Variants in MED13 observed in about 807,000 individuals in gnomAD.
MED13 encodes mediator of RNA polymerase II transcription subunit 13.
Under a neutral mutation model 225.2 loss-of-function variants are expected in MED13, and 23 were observed. The ratio of observed to expected loss-of-function variants is 0.10; its 90% CI spans 0.07 to 0.14. The LOEUF (loss-of-function observed/expected upper bound fraction) is 0.14, where lower values mean the gene tolerates loss of function less well. MED13 is among the 10% of genes least tolerant of loss of function. The pLI, the probability that MED13 is intolerant of heterozygous loss-of-function variation, is 1.00. For synonymous variants in MED13, 942 were observed against 889.2 expected (o/e 1.06, Z -1.06); for missense variants, 2,197 against 2,594.5 (o/e 0.85, Z 3.33).
chr17:62,060,997 C>A (rs2081034944), intron 2 of MED13, among the ~76,000 whole-genome samples: 1 of 152,032 alleles, frequency 6.6e-6, no homozygotes, highest in South Asian at 2.1e-4. Flanking sequence ...GCCATGGCAC[C>A]CAGCTGATCA....
chr17:62,004,052 T>A (rs1377629535), intron 9 of MED13: 1 of 152,182 alleles, frequency 6.6e-6, no homozygotes, highest in Non-Finnish European at 1.5e-5. Flanking sequence ...AAAAACTCAC[T>A]ATTGAAGGTT....
At chr17:62,003,547 G>A (rs947490956) in intron 9 of MED13, among the ~76,000 whole-genome samples, 2 of 131,140 alleles carry the variant, frequency 1.5e-5, no homozygotes. Flanking sequence ...AGAGGTTGCA[G>A]TGAGCCAAGA....
chr17:62,050,360 G>GAA (rs555050127), intron 3 of MED13, among the ~76,000 whole-genome samples: 9 of 102,170 alleles, frequency 8.8e-5, no homozygotes, highest in African/African-American at 2.5e-4. Context: ...CTCCGTATCA[G>GAA]AAAAAAAAAA....
intron 10 of MED13, among the ~76,000 whole-genome samples, chr17:61,993,200 C>CTTTTTTTTTTT (rs964200883): frequency 9.3e-6 from 1 of 107,690 alleles, no homozygotes; most frequent in Non-Finnish European, 1.7e-5. Context: ...TTCTTTCTTT[C>CTTTTTTTTTTT]TTTTTTTTTT....
At position 62,031,596 on chromosome 17, in the gene MED13, G is replaced by A; in HGVS notation, c.857C>T (p.Pro286Leu). The change falls in exon 6 of 30, where the codon CCT becomes CTT. Residue 286 changes from proline (P) to leucine (L), a missense_variant. Pro to Leu is a moderately conservative substitution (Grantham distance 98, BLOSUM62 -3). This residue lies in a region of MED13 where 884 missense variants were observed against 918.5 expected (regional missense o/e 0.96). Transcript: ENST00000397786. Reference sequence around the variant, plus strand: ...GCTAGGAGTAGGAATGTCTGACTGAGGGACTAGAACAAAGCATGCTGGGTA... The same window carrying A: ...GCTAGGAGTAGGAATGTCTGACTGAAGGACTAGAACAAAGCATGCTGGGTA... ...MIYPACFVLV[P>L]QSDIPTPSPV... 1 of 1,613,082 alleles carries A rather than the reference G, an allele frequency of 6.2e-7. No individual in the cohort carries two copies.
intron 11 of MED13, among the ~76,000 whole-genome samples, chr17:61,992,090 G>A (rs180853995): frequency 6.6e-6 from 1 of 152,294 alleles, no homozygotes; most frequent in East Asian, 1.9e-4. Flanking sequence ...ACACTCTACT[G>A]TCAACCAACT....
chr17:62,057,193 G>A (rs574804750), intron 2 of MED13, among the ~76,000 whole-genome samples: 1 of 152,080 alleles, frequency 6.6e-6, no homozygotes, highest in South Asian at 2.1e-4. Context: ...AAATTAACAT[G>A]GTAGAAAATA....
chr17:62,055,142 C>T (rs71375812), intron 2 of MED13, among the ~76,000 whole-genome samples: 4,346 of 152,238 alleles, frequency 0.029, 77 homozygotes, highest in Middle Eastern at 0.048. Flanking sequence ...TGCCTGTAAT[C>T]CCAGCACTTC....
At chr17:62,037,529 C>T (rs866285036) in intron 3 of MED13, among the ~76,000 whole-genome samples, 11 of 150,704 alleles carry the variant, frequency 7.3e-5, no homozygotes, top group South Asian at 4.2e-4. Context: ...GCCGGAGGTG[C>T]AGTGGTATGC....
Position 62,031,653 on chromosome 17 carries a change from A to G in MED13, c.815-15T>C, listed in dbSNP as rs2080758235. The G allele has an allele frequency of 6.6e-7, 1 of 1,519,818 alleles. No homozygotes were observed. Among genetic ancestry groups the G allele is most frequent in the Non-Finnish European group, 8.8e-7 (1 of 1,130,956 alleles). 94.1% of individuals were successfully genotyped at this position (1,519,818 alleles called of 1,614,324 possible). ...TCGGACACCAGCTGAAAGGAAAAAA[A>G]TGGGACAGGAAAACCAATTACCTTT... is the stretch of plus-strand genomic sequence containing the variant. On this transcript the variant is annotated splice_polypyrimidine_tract_variant and intron_variant, in intron 5 of 29. Coordinates refer to ENST00000397786, the MANE Select transcript of MED13 (RefSeq NM_005121.3).
At chr17:62,064,780 G>A (rs1358789284) in intron 1 of MED13, among the ~76,000 whole-genome samples, 1 of 152,162 alleles carries the variant, frequency 6.6e-6, no homozygotes, top group Non-Finnish European at 1.5e-5. Context: ...GGGCAATAAT[G>A]TAAAGTGTGA....
intron 27 of MED13, among the ~76,000 whole-genome samples, chr17:61,951,530 T>C (rs1323381185): frequency 1.3e-5 from 2 of 152,078 alleles, no homozygotes; most frequent in Admixed American, 6.5e-5. Flanking sequence ...AAAATAAAAA[T>C]AATATGCATG....
chr17:61,954,161 T>C (rs1457623266), intron 26 of MED13, among the ~76,000 whole-genome samples: 4 of 152,344 alleles, frequency 2.6e-5, no homozygotes, highest in African/African-American at 9.6e-5. Context: ...AATACCATGT[T>C]CTTTATTAAG....
At position 62,008,074 on chromosome 17, in the gene MED13, T is replaced by G. The variant is rs867992311; in HGVS notation, c.1967+2476A>C. ...GGCTCACGCCTGTAATCCCAGCACT[T>G]TGGGAGGCCGGGGCGGGCGGATCAT... On this transcript the variant is annotated intron_variant, in intron 9 of 29. Coordinates refer to ENST00000397786, the MANE Select transcript of MED13 (RefSeq NM_005121.3). Among the ~76,000 whole-genome samples the G allele has an allele frequency of 8.1e-4, 119 of 147,124 alleles. 1 individual carries two copies. The highest frequency in any genetic ancestry group is 2.9e-3 in the African/African-American group (114 of 39,674).
intron 23 of MED13, among the ~76,000 whole-genome samples, chr17:61,958,190 C>T (rs1003332108): frequency 1.1e-4 from 17 of 151,552 alleles, no homozygotes; most frequent in East Asian, 2.0e-4. Context: ...TTTTTTGACA[C>T]GGAGTCTAAC....
At position 62,031,654 on chromosome 17, in the gene MED13, T is replaced by C. The variant is rs550932025; in HGVS notation, c.815-16A>G. On this transcript the variant is annotated splice_polypyrimidine_tract_variant and intron_variant, in intron 5 of 29. Transcript: ENST00000397786. The stretch of plus-strand genomic sequence containing the variant: ...CGGACACCAGCTGAAAGGAAAAAAA[T>C]GGGACAGGAAAACCAATTACCTTTG... 4 of 1,517,794 alleles carry C rather than the reference T, an allele frequency of 2.6e-6. No individual in the cohort carries two copies. In the South Asian group the frequency reaches 4.0e-5, roughly 15 times the overall value. 94.0% of individuals were successfully genotyped at this position (1,517,794 alleles called of 1,614,324 possible). A position where few individuals can be genotyped will look rare whatever the true frequency, so the allele number is the denominator to read the frequency against.
intron 8 of MED13, among the ~76,000 whole-genome samples, chr17:62,015,723 GCCA>G (rs2080556987): frequency 6.8e-6 from 1 of 146,964 alleles, no homozygotes; most frequent in South Asian, 2.1e-4. Context: ...ACAGGCACCT[GCCA>G]CCACATCAGT....
At chr17:61,981,148 G>A (rs1248876247) in intron 16 of MED13, among the ~76,000 whole-genome samples, 2 of 151,912 alleles carry the variant, frequency 1.3e-5, no homozygotes, top group Non-Finnish European at 2.9e-5. Flanking sequence ...TTAGCCTCCC[G>A]AGTAGCTGGG....
At chr17:61,985,403 G>A (rs149841324) in intron 12 of MED13, among the ~76,000 whole-genome samples, 314 of 152,274 alleles carry the variant, frequency 2.1e-3, no homozygotes, top group Non-Finnish European at 3.6e-3. Context: ...GCCGGACATG[G>A]TAGCTCACAC....
Sources: allele counts gnomAD v4.1 joint callset (sites outside exome capture counted in the v4.1 genomes callset), GRCh38; gene constraint gnomAD v4.1.1; regional missense constraint gnomAD v4.1.1; transcripts MANE v1.5; gene names NCBI Gene and HGNC (gene_info 2026-07-23, HGNC 2026-07-21).